The following SHANK2 variants were observed in gnomAD, a reference collection of about 807,000 sequenced individuals.
SHANK2 encodes the protein SH3 and multiple ankyrin repeat domains 2, also known as SH3 and multiple ankyrin repeat domains protein 2.
In SHANK2, 43 loss-of-function variants were observed where a neutral mutation model predicts 133.7. The ratio of observed to expected loss-of-function variants is 0.32; its 90% CI spans 0.25 to 0.41. SHANK2 has a LOEUF of 0.41. SHANK2 is among the 10% of genes least tolerant of loss of function. SHANK2 has a pLI of 1.00. For synonymous variants in SHANK2, 1,017 were observed against 952.8 expected (o/e 1.07, Z -1.24); for missense variants, 1,994 against 2,235.8 (o/e 0.89, Z 2.18).
intron 14 of SHANK2, among the ~76,000 whole-genome samples, chr11:70,790,071 G>C (rs1555047603): frequency 2.0e-5 from 3 of 152,198 alleles, no homozygotes; most frequent in Non-Finnish European, 4.4e-5. Flanking sequence ...TCATCCATGG[G>C]TGCCAACTGA....
chr11:71,226,535 T>C (rs782755358), intron 1 of SHANK2: 12 of 152,082 alleles, frequency 7.9e-5, no homozygotes, highest in Non-Finnish European at 1.0e-4. Flanking sequence ...AGAAAAAATA[T>C]TGAAAACATG....
At chr11:70,798,963 G>T (rs970116134) in intron 13 of SHANK2, among the ~76,000 whole-genome samples, 4 of 152,152 alleles carry the variant, frequency 2.6e-5, no homozygotes, top group African/African-American at 7.2e-5. Flanking sequence ...GGGGGGCACC[G>T]CCACAAAGCA....
chr11:71,172,396 G>A (rs531765948), intron 2 of SHANK2, among the ~76,000 whole-genome samples: 13 of 152,082 alleles, frequency 8.5e-5, no homozygotes, highest in Admixed American at 2.0e-4. Context: ...TCAGGAGTTC[G>A]AGACCAGCTT....
chr11:71,060,512 C>T (rs1240685359), intron 9 of SHANK2, among the ~76,000 whole-genome samples: 3 of 152,232 alleles, frequency 2.0e-5, no homozygotes, highest in Non-Finnish European at 4.4e-5. Flanking sequence ...TGGAACGTGT[C>T]CTCAGACTCA....
chr11:71,092,633 C>T, intron 7 of SHANK2, 44 bp from the exon 8 acceptor site: 1 of 1,540,666 alleles, frequency 6.5e-7, no homozygotes, highest in Non-Finnish European at 8.8e-7. Flanking sequence ...GTCTCATGAC[C>T]CCTTTTGCAG....
Position 71,109,962 on chromosome 11 carries a change from A to C in SHANK2, c.571T>G (p.Phe191Val). 6.4e-7 allele frequency: 1 copy of C among 1,551,462 alleles called. No homozygotes were observed. Among genetic ancestry groups the C allele is most frequent in the Non-Finnish European group, 8.7e-7 (1 of 1,146,766 alleles). ...KMLDRGLDPN[F>V]HDPETGETPL... ...TCACCTCCGGTCTCCGGGTCGTGGAAATTGGGATCCAGGCCTCGGTCCAGC... is the reference window on the plus strand; with the variant it reads ...TCACCTCCGGTCTCCGGGTCGTGGACATTGGGATCCAGGCCTCGGTCCAGC... Residue 191 changes from phenylalanine to valine, a missense_variant, in exon 6 of 26, where the codon TTC becomes GTC. Transcript: ENST00000601538.
At position 71,244,429 on chromosome 11, in the gene SHANK2, G is replaced by A. The variant is rs376041022; in HGVS notation, c.-113+7996C>T. ...AACGGGACCCATGCACTGACAAGGC[G>A]GATCACACGCTCCTCCCAGAGGCTC... On this transcript the variant is annotated intron_variant, in intron 1 of 25. Coordinates refer to ENST00000601538, the MANE Select transcript of SHANK2 (RefSeq NM_012309.5). Among the ~76,000 whole-genome samples the A allele has an allele frequency of 2.3e-4, 35 of 152,208 alleles. 1 individual carries two copies. The highest frequency in any genetic ancestry group is 1.4e-3 in the East Asian group (7 of 5,182).
intron 3 of SHANK2, among the ~76,000 whole-genome samples, chr11:71,141,885 TGTCAG>T (rs1952560468): frequency 6.6e-6 from 1 of 151,300 alleles, no homozygotes; most frequent in Non-Finnish European, 1.5e-5. Flanking sequence ...CAGGCAGAAA[TGTCAG>T]GGAAGCCACA....
At chr11:70,835,178 C>G (rs1224358183) in intron 11 of SHANK2, among the ~76,000 whole-genome samples, 3 of 152,212 alleles carry the variant, frequency 2.0e-5, no homozygotes, top group African/African-American at 7.2e-5. Flanking sequence ...GCACAGGACA[C>G]TACTGTGTGC....
rs201296550 is a variant in SHANK2 at position 70,922,898 on chromosome 11, TAAAC to T, written c.1108-26335_1108-26332del. Among the ~76,000 whole-genome samples the T allele has an allele frequency of 9.7e-3, 1,469 of 151,734 alleles. 8 individuals carry two copies. Among genetic ancestry groups the T allele is most frequent in the East Asian group, 0.032 (165 of 5,154 alleles). On this transcript the variant is annotated intron_variant, in intron 10 of 25. Coordinates refer to ENST00000601538, the MANE Select transcript of SHANK2 (RefSeq NM_012309.5). ...ACAAAATACAACATCCCCTATACTTTAAACAAACAAACAAACAAACAAACAAAAA... is the reference window on the plus strand; with the variant it reads ...ACAAAATACAACATCCCCTATACTTTAAACAAACAAACAAACAAACAAAAA...
chr11:71,134,582 G>C (rs1952402087), intron 3 of SHANK2, among the ~76,000 whole-genome samples: 1 of 151,872 alleles, frequency 6.6e-6, no homozygotes, highest in Non-Finnish European at 1.5e-5. Flanking sequence ...TGGGATTATA[G>C]GCGTGCATCA....
intron 2 of SHANK2, among the ~76,000 whole-genome samples, chr11:71,184,957 G>A (rs1473810637): frequency 6.6e-6 from 1 of 152,158 alleles, no homozygotes; most frequent in Middle Eastern, 3.2e-3. Context: ...CTCTGTTCCT[G>A]ACGCAGAGGC....
At chr11:71,111,923 C>A (rs1951897111) in intron 5 of SHANK2, among the ~76,000 whole-genome samples, 1 of 152,180 alleles carries the variant, frequency 6.6e-6, no homozygotes, top group Admixed American at 6.5e-5. Flanking sequence ...AGGGCAGAGG[C>A]AGGGGAAGTA....
At chr11:70,890,139 G>A (rs1478267821) in intron 11 of SHANK2, among the ~76,000 whole-genome samples, 1 of 152,150 alleles carries the variant, frequency 6.6e-6, no homozygotes, top group African/African-American at 2.4e-5. Context: ...CTCCCCCAAA[G>A]GGCCTGGGAC....
intron 14 of SHANK2, among the ~76,000 whole-genome samples, chr11:70,795,407 C>T (rs1408485224): frequency 4.7e-5 from 6 of 128,438 alleles, no homozygotes; most frequent in South Asian, 2.4e-4. Context: ...CTTTCTTTTT[C>T]TTTTTTTTTT....
intron 17 of SHANK2, among the ~76,000 whole-genome samples, chr11:70,605,769 C>T (rs896480455): frequency 1.5e-4 from 23 of 152,170 alleles, no homozygotes; most frequent in African/African-American, 5.3e-4. Flanking sequence ...ATGTTTTCCT[C>T]CTGGAACCAG....
Position 70,545,612 on chromosome 11 carries a change from G to A in SHANK2, c.2062-42681C>T, listed in dbSNP as rs116742624. On this transcript the variant is annotated intron_variant, in intron 17 of 25. Coordinates refer to ENST00000601538, the MANE Select transcript of SHANK2 (RefSeq NM_012309.5). ...CACCCTCCGTACGGCGCCTGCACAC[G>A]GTAATTGCTCATTAAACAGCTGGTG... Among the ~76,000 whole-genome samples, 1,158 of 152,338 alleles carry A rather than the reference G, an allele frequency of 7.6e-3. 16 individuals are homozygous for A. The highest frequency in any genetic ancestry group is 0.027 in the African/African-American group (1,108 of 41,572).
At position 70,664,167 on chromosome 11, in the gene SHANK2, A is replaced by G. The variant is rs368650958; in HGVS notation, c.1854-2489T>C. Reference sequence around the variant, plus strand: ...GGCATTGATGAGCAGACCCTCTACCAGGTCCCTCGACCTGTCTCCACGGCC... The same window carrying G: ...GGCATTGATGAGCAGACCCTCTACCGGGTCCCTCGACCTGTCTCCACGGCC... On this transcript the variant is annotated intron_variant, in intron 15 of 25. Coordinates refer to ENST00000601538, the MANE Select transcript of SHANK2 (RefSeq NM_012309.5). Among the ~76,000 whole-genome samples the G allele has an allele frequency of 1.9e-4, 29 of 152,274 alleles. No individual in the cohort carries two copies. In the East Asian group the frequency reaches 3.1e-3, roughly 16 times the overall value.
At chr11:70,880,548 C>T (rs1555072212) in intron 11 of SHANK2, among the ~76,000 whole-genome samples, 1 of 152,222 alleles carries the variant, frequency 6.6e-6, no homozygotes, top group Admixed American at 6.5e-5. Context: ...ATTCAAGTCA[C>T]CTGGAAGCGG....
Sources: gnomAD v4.1 joint callset for allele counts (sites outside exome capture counted in the v4.1 genomes callset) on GRCh38, gnomAD v4.1.1 for gene constraint, MANE v1.5 for transcripts, NCBI Gene and HGNC (gene_info 2026-07-23, HGNC 2026-07-21) for gene names.